NBAS: variants seen among roughly 807,000 people sequenced by gnomAD.
The protein encoded by NBAS is NBAS subunit of NRZ tethering complex.
NBAS carries 219 observed loss-of-function variants against 302.5 expected under a neutral mutation model. The ratio of observed to expected loss-of-function variants is 0.72; its 90% CI spans 0.65 to 0.81. The LOEUF (loss-of-function observed/expected upper bound fraction) is 0.81, where lower values mean the gene tolerates loss of function less well. Ranked by LOEUF, NBAS falls within the 30% of genes least tolerant of loss-of-function variation. NBAS has a pLI of 0.00. For synonymous variants in NBAS, 1,118 were observed against 1,021.6 expected (o/e 1.09, Z -1.80); for missense variants, 2,932 against 2,841.6 (o/e 1.03, Z -0.72).
the NBAS span, among the ~76,000 whole-genome samples, chr2:14,874,653 A>G: frequency 6.8e-6 from 1 of 146,132 alleles, no homozygotes; most frequent in African/African-American, 2.7e-5. Flanking sequence ...AAAAGAAAAA[A>G]AAAAAAAGAG....
chr2:14,903,923 A>G, the NBAS span, among the ~76,000 whole-genome samples: 4 of 152,152 alleles, frequency 2.6e-5, no homozygotes, highest in Non-Finnish European at 5.9e-5. Flanking sequence ...AGGGCAATGG[A>G]AAGAGGAGAC....
chr2:15,313,649 T>C (rs1387777031), intron 38 of NBAS, among the ~76,000 whole-genome samples: 2 of 152,236 alleles, frequency 1.3e-5, no homozygotes, highest in East Asian at 3.8e-4. Context: ...GCAATTTTCA[T>C]TGCTACTGCC....
At chr2:15,209,126 A>T (rs12992127) in intron 48 of NBAS, among the ~76,000 whole-genome samples, 28,818 of 152,166 alleles carry the variant, frequency 0.19, 3,440 homozygotes, top group East Asian at 0.46. Flanking sequence ...ATTTCAACCA[A>T]TACTGCAGAA....
Position 15,561,290 on chromosome 2 carries a change from C to T in NBAS, c.15G>A (p.Glu5=), listed in dbSNP as rs1399045474. 4 of 1,613,332 alleles carry T rather than the reference C, an allele frequency of 2.5e-6. No individual in the cohort carries two copies. The highest frequency in any genetic ancestry group is 3.3e-5 in the Admixed American group (2 of 60,020). The part of the protein sequence containing the change: MAAP[E]SGPALSPGTA... Reference sequence around the variant, plus strand: ...TGCCTGGACTCAAAGCCGGCCCTGACTCGGGGGCCGCCATGTTCGCCGAGG... The same window carrying T: ...TGCCTGGACTCAAAGCCGGCCCTGATTCGGGGGCCGCCATGTTCGCCGAGG... The change falls in exon 1 of 52, where the codon GAG becomes GAA. Residue 5 remains glutamate, a synonymous_variant. Transcript: ENST00000281513.
chr2:14,964,629 T>C, the NBAS span, among the ~76,000 whole-genome samples: 5 of 152,044 alleles, frequency 3.3e-5, no homozygotes, highest in Non-Finnish European at 7.4e-5. Flanking sequence ...TAATAATGGA[T>C]AAAACAAGTA....
the NBAS span, among the ~76,000 whole-genome samples, chr2:14,983,340 C>A: frequency 2.0e-5 from 3 of 152,162 alleles, no homozygotes; most frequent in African/African-American, 7.2e-5. Flanking sequence ...ATTAAAAATT[C>A]TAAAATGAAT....
the NBAS span, among the ~76,000 whole-genome samples, chr2:15,119,501 C>T: frequency 6.6e-6 from 1 of 151,862 alleles, no homozygotes; most frequent in Non-Finnish European, 1.5e-5. Flanking sequence ...CCACCACGCC[C>T]AGCTAATTTT....
At position 15,174,577 on chromosome 2, in the gene NBAS, T is replaced by A. The variant is rs561590140; in HGVS notation, c.6840+4411A>T. On this transcript the variant is annotated intron_variant, in intron 51 of 51. Transcript: ENST00000281513. ...AAAAAGGAAGCACAGCTAGGCGAGT[T>A]GTTGGGGTAGGTCTGCTCTAGTGTT... Among the ~76,000 whole-genome samples, 30 of 152,324 alleles carry A rather than the reference T, an allele frequency of 2.0e-4. 2 individuals carry two copies. The South Asian group carries it at 5.6e-3, about 28-fold the overall frequency.
chr2:15,551,380 G>C, intron 6 of NBAS, 113 bp downstream of exon 6: 1 of 580,258 alleles, frequency 1.7e-6, no homozygotes, highest in Non-Finnish European at 2.9e-6. Flanking sequence ...TATTTTAATA[G>C]TCATGATAAT....
intron 44 of NBAS, among the ~76,000 whole-genome samples, chr2:15,246,150 A>G (rs542364303): frequency 7.9e-5 from 12 of 152,312 alleles, no homozygotes; most frequent in African/African-American, 2.9e-4. Flanking sequence ...TTTTTAAAAC[A>G]CTGTAAGAAA....
chr2:15,310,926 T>C (rs1010261870), intron 38 of NBAS, among the ~76,000 whole-genome samples: 1 of 152,144 alleles, frequency 6.6e-6, no homozygotes, highest in African/African-American at 2.4e-5. Context: ...TACAACAAAA[T>C]CTATACATAT....
the NBAS span, among the ~76,000 whole-genome samples, chr2:14,963,999 A>G: frequency 2.0e-5 from 3 of 152,232 alleles, no homozygotes; most frequent in Non-Finnish European, 4.4e-5. Context: ...CTAGCAAACA[A>G]TTATTAAAAG....
the NBAS span, among the ~76,000 whole-genome samples, chr2:15,082,390 G>A: frequency 6.6e-6 from 1 of 152,118 alleles, no homozygotes; most frequent in Non-Finnish European, 1.5e-5. Flanking sequence ...CTACCCTAAC[G>A]ACTCCTCTAA....
the NBAS span, among the ~76,000 whole-genome samples, chr2:15,152,729 T>A: frequency 2.0e-5 from 3 of 152,250 alleles, no homozygotes; most frequent in Non-Finnish European, 2.9e-5. Context: ...TCTTTTAACA[T>A]AACCATACAC....
At chr2:15,294,675 T>C (rs992530945) in intron 40 of NBAS, among the ~76,000 whole-genome samples, 9 of 152,174 alleles carry the variant, frequency 5.9e-5, no homozygotes, top group Non-Finnish European at 7.4e-5. Context: ...GCTGCTCTTA[T>C]GCCTCATCTG....
intron 19 of NBAS, among the ~76,000 whole-genome samples, chr2:15,466,318 G>A (rs1243746256): frequency 1.3e-5 from 2 of 151,706 alleles, no homozygotes; most frequent in Non-Finnish European, 3.0e-5. Flanking sequence ...GCAGAACACA[G>A]ACTAAGAAAG....
chr2:14,887,297 G>A, the NBAS span, among the ~76,000 whole-genome samples: 3 of 151,448 alleles, frequency 2.0e-5, no homozygotes, highest in African/African-American at 4.9e-5. Context: ...TCAGCTACTC[G>A]AGAGGCTGAG....
At chr2:15,553,943 G>T (rs2148713216) in intron 4 of NBAS, 118 bp downstream of exon 4, 2 of 794,706 alleles carry the variant, frequency 2.5e-6, no homozygotes, top group Non-Finnish European at 4.0e-6. Flanking sequence ...TTGCAACAAA[G>T]AAATTTACAC....
At chr2:15,165,974 C>T (rs1348568250), downstream of NBAS, among the ~76,000 whole-genome samples, 1 of 151,650 alleles carries the variant, frequency 6.6e-6, no homozygotes, top group African/African-American at 2.4e-5. Context: ...CTCCAACGGC[C>T]CCCCGGTCAC....
Sources: allele counts gnomAD v4.1 joint callset (sites outside exome capture counted in the v4.1 genomes callset), GRCh38; gene constraint gnomAD v4.1.1; transcripts MANE v1.5; gene names NCBI Gene and HGNC (gene_info 2026-07-23, HGNC 2026-07-21).